EPS15L1: variants seen among roughly 807,000 people sequenced by gnomAD.
The protein encoded by EPS15L1 is epidermal growth factor receptor pathway substrate 15 like 1.
A neutral mutation model predicts 117.1 loss-of-function variants in EPS15L1; 43 were observed. The observed-to-expected ratio is 0.37, with a 90% confidence interval of 0.29 to 0.47. The LOEUF (loss-of-function observed/expected upper bound fraction) is 0.47, where lower values mean the gene tolerates loss of function less well. Among genes scored for constraint, EPS15L1 ranks in the 20% least tolerant of loss-of-function variants. The probability of loss-of-function intolerance (pLI) is 0.99; values close to 1 mark genes in which losing one functional copy is unlikely to be tolerated. For synonymous variants in EPS15L1, 459 were observed against 470.5 expected, an observed-to-expected ratio of 0.98 and a Z score of 0.32; for missense variants, 981 against 1,164.0, an observed-to-expected ratio of 0.84 and a Z score of 2.29.
At chr19:16,430,719 C>T (rs958718876) in intron 7 of EPS15L1, among the ~76,000 whole-genome samples, 6 of 152,204 alleles carry the variant, frequency 3.9e-5, no homozygotes, top group African/African-American at 1.4e-4. Context: ...ACCAGATGCA[C>T]GATGTGTGAG....
At chr19:16,414,706 G>T (rs28881609) in intron 12 of EPS15L1, among the ~76,000 whole-genome samples, 2 of 148,960 alleles carry the variant, frequency 1.3e-5, no homozygotes, top group South Asian at 2.1e-4. Context: ...GCCTTTTTTT[G>T]GTTTTGTTTT....
chr19:16,380,184 G>A (rs1182515123), intron 21 of EPS15L1, among the ~76,000 whole-genome samples: 1 of 151,160 alleles, frequency 6.6e-6, no homozygotes, highest in Non-Finnish European at 1.5e-5. Context: ...TCACACAGAC[G>A]TGGCCGTGTA....
Position 16,361,975 on chromosome 19 carries a change from G to A in EPS15L1, c.2390C>T (p.Thr797Ile), listed in dbSNP as rs2092060641. The A allele has an allele frequency of 4.4e-6, 7 of 1,598,666 alleles. No individual in the cohort carries two copies. Among genetic ancestry groups the A allele is most frequent in the Non-Finnish European group, 6.0e-6 (7 of 1,174,028 alleles). Residue 797 changes from threonine (T) to isoleucine (I), a missense_variant, in exon 23 of 24, where the codon ACA becomes ATA. Coordinates refer to ENST00000455140, the MANE Select transcript of EPS15L1 (RefSeq NM_001258374.3). ...TGCGGAACCAAGCTGGCTTACAGGT[G>A]TACTTTTACCTGGAAAGTTTAGGAG... The part of the protein sequence containing the change: ...PRPKPPSGKS[T>I]PVSQLGSADF...
chr19:16,439,462 T>C (rs563275932), intron 4 of EPS15L1, among the ~76,000 whole-genome samples: 1 of 151,818 alleles, frequency 6.6e-6, no homozygotes, highest in Non-Finnish European at 1.5e-5. Flanking sequence ...GAGGCCAAGA[T>C]GGGAGGATTG....
chr19:16,425,871 G>T (rs1241319369), intron 8 of EPS15L1, among the ~76,000 whole-genome samples: 1 of 152,232 alleles, frequency 6.6e-6, no homozygotes, highest in Non-Finnish European at 1.5e-5. Flanking sequence ...GCAGGCCACA[G>T]CCATAGAAAT....
chr19:16,424,819 C>A (rs2092853141), intron 9 of EPS15L1, among the ~76,000 whole-genome samples: 1 of 152,028 alleles, frequency 6.6e-6, no homozygotes, highest in Non-Finnish European at 1.5e-5. Flanking sequence ...CACCACCACA[C>A]CCAGCTAATT....
chr19:16,440,815 G>A (rs1181235256), intron 4 of EPS15L1, 47 bp downstream of exon 4: 3 of 1,589,898 alleles, frequency 1.9e-6, no homozygotes, highest in Admixed American at 3.3e-5. Context: ...CCCAGCCTGG[G>A]GGCTCTGCCC....
intron 1 of EPS15L1, among the ~76,000 whole-genome samples, chr19:16,458,089 T>A (rs556251327): frequency 3.7e-4 from 56 of 152,210 alleles, no homozygotes; most frequent in African/African-American, 1.3e-3. Flanking sequence ...CAGGACTCGG[T>A]TGGGATGGGT....
chr19:16,471,836 C>T lies in EPS15L1; in HGVS notation c.33+77G>A. On this transcript the variant is annotated intron_variant, in intron 1 of 23. Coordinates refer to ENST00000455140, the MANE Select transcript of EPS15L1 (RefSeq NM_001258374.3). This position sits in a 1 kb window ranked among gnomAD's most constrained non-coding sequence, Gnocchi z 4.8. The stretch of plus-strand genomic sequence containing the variant: ...CCCGCCGCCGCCTGGCTGAGTCTCC[C>T]AGCGCCTCAGCCTCGCCGCACCGCT... 2 of 864,524 alleles carry T rather than the reference C, an allele frequency of 2.3e-6. No individual in the cohort carries two copies. Among genetic ancestry groups the T allele is most frequent in the Admixed American group, 4.2e-5 (1 of 23,888 alleles). The allele number at this position is 864,524 out of a possible 1,614,324, so 53.6% of individuals were successfully genotyped here.
At chr19:16,435,768 GA>G (rs1175529998) in intron 6 of EPS15L1, among the ~76,000 whole-genome samples, 3 of 152,034 alleles carry the variant, frequency 2.0e-5, no homozygotes, top group African/African-American at 7.2e-5. Flanking sequence ...TGTTCTTTCT[GA>G]CTGTGGCTGT....
chr19:16,371,075 G>A lies in EPS15L1; in HGVS notation c.2380+6047C>T, dbSNP rs1268253821. Among the ~76,000 whole-genome samples the A allele has an allele frequency of 6.6e-6, 1 of 152,240 alleles. No individual in the cohort carries two copies. The highest frequency in any genetic ancestry group is 1.5e-5 in the Non-Finnish European group (1 of 68,042). ...CGAAATTGAAGTAGTTAAGTTCAAG[G>A]CTGAGGTGCTAACCGCAGGGTTCAA... On this transcript the variant is annotated intron_variant, in intron 22 of 23. Coordinates refer to ENST00000455140, the MANE Select transcript of EPS15L1 (RefSeq NM_001258374.3). This position sits in a 1 kb window ranked among gnomAD's most constrained non-coding sequence, Gnocchi z 4.7.
At chr19:16,427,889 GT>G (rs1402908846) in intron 8 of EPS15L1, among the ~76,000 whole-genome samples, 1 of 148,538 alleles carries the variant, frequency 6.7e-6, no homozygotes, top group Admixed American at 6.7e-5. Flanking sequence ...GCAAGACTCC[GT>G]GTCAAAAAAA....
chr19:16,462,959 C>T (rs992893451), intron 1 of EPS15L1, among the ~76,000 whole-genome samples: 3 of 152,198 alleles, frequency 2.0e-5, no homozygotes, highest in African/African-American at 7.2e-5. Context: ...TGGGTGCCAC[C>T]TGACTTCCAC....
intron 16 of EPS15L1, 102 bp from the exon 17 acceptor site, chr19:16,395,569 G>A: frequency 8.2e-7 from 1 of 1,212,242 alleles, no homozygotes; most frequent in Non-Finnish European, 1.2e-6. Context: ...TGAGTAGCAT[G>A]ACCCTAAAAA....
chr19:16,384,768 A>G (rs895879531), intron 21 of EPS15L1, among the ~76,000 whole-genome samples: 3 of 152,114 alleles, frequency 2.0e-5, no homozygotes, highest in Non-Finnish European at 2.9e-5. Flanking sequence ...CTTTCCCTGG[A>G]CGCCTCGCAC....
At chr19:16,398,358 G>A (rs1456657903) in intron 16 of EPS15L1, among the ~76,000 whole-genome samples, 1 of 152,258 alleles carries the variant, frequency 6.6e-6, no homozygotes, top group Admixed American at 6.5e-5. Flanking sequence ...TCTTAGACAA[G>A]TTAAGTACAG....
intron 1 of EPS15L1, among the ~76,000 whole-genome samples, chr19:16,447,376 T>C (rs950707957): frequency 3.3e-5 from 5 of 152,114 alleles, no homozygotes; most frequent in Non-Finnish European, 7.4e-5. Flanking sequence ...GAAAAAGACA[T>C]CTCAATTAAA....
At chr19:16,356,125 C>A (rs2091976700) in intron 23 of EPS15L1, among the ~76,000 whole-genome samples, 1 of 152,224 alleles carries the variant, frequency 6.6e-6, no homozygotes, top group Non-Finnish European at 1.5e-5. Context: ...CCACCCCGCC[C>A]CACGCAGAGA....
At chr19:16,410,609 G>A (rs115088110) in intron 13 of EPS15L1, among the ~76,000 whole-genome samples, 95 of 152,224 alleles carry the variant, frequency 6.2e-4, no homozygotes, top group African/African-American at 2.2e-3. Flanking sequence ...GGATGGATGA[G>A]TAAAATGTGG....
Sources: gnomAD v4.1 joint callset for allele counts (sites outside exome capture counted in the v4.1 genomes callset) on GRCh38, gnomAD v4.1.1 for gene constraint, Gnocchi (gnomAD v3.1) non-coding constraint, MANE v1.5 for transcripts, NCBI Gene and HGNC (gene_info 2026-07-23, HGNC 2026-07-21) for gene names.